The following RRM2 variants were observed in gnomAD, a reference collection of about 807,000 sequenced individuals.
The protein encoded by RRM2 is ribonucleotide reductase regulatory subunit M2.
In RRM2, 6 loss-of-function variants were observed where a neutral mutation model predicts 45.9. The ratio of observed to expected loss-of-function variants is 0.13; its 90% CI spans 0.07 to 0.26. The LOEUF (loss-of-function observed/expected upper bound fraction) is 0.26, where lower values mean the gene tolerates loss of function less well. Among genes scored for constraint, RRM2 ranks in the 10% least tolerant of loss-of-function variants. The pLI is 1.00. For synonymous variants in RRM2, 177 were observed against 173.0 expected (o/e 1.02, Z -0.18); for missense variants, 343 against 489.5 (o/e 0.70, Z 2.82).
At chr2:10,206,613 A>G (rs1275354622) in intron 3 of RRM2, among the ~76,000 whole-genome samples, 1 of 152,366 alleles carries the variant, frequency 6.6e-6, no homozygotes, top group African/African-American at 2.4e-5. Flanking sequence ...AAGACAGTGA[A>G]GGGGACATGT....
chr2:10,175,898 G>T (rs1663906056), intron 3 of RRM2, among the ~76,000 whole-genome samples: 1 of 151,970 alleles, frequency 6.6e-6, no homozygotes, highest in Non-Finnish European at 1.5e-5. Context: ...GAGCCATTGT[G>T]CCTGGCTGTG....
intron 3 of RRM2, among the ~76,000 whole-genome samples, chr2:10,168,555 C>T (rs1235126406): frequency 6.6e-6 from 1 of 152,140 alleles, no homozygotes; most frequent in African/African-American, 2.4e-5. Flanking sequence ...TCTGTTGAAT[C>T]TCAAATGTCT....
chr2:10,180,794 G>A (rs2125325416), intron 3 of RRM2, among the ~76,000 whole-genome samples: 1 of 152,220 alleles, frequency 6.6e-6, no homozygotes, highest in African/African-American at 2.4e-5. Context: ...ATGAGACGGA[G>A]TCTCACTCTG....
chr2:10,138,038 A>AC (rs1310365953), upstream of RRM2, among the ~76,000 whole-genome samples: 1 of 149,244 alleles, frequency 6.7e-6, no homozygotes, highest in Non-Finnish European at 1.5e-5. Flanking sequence ...TCTTGCTGCG[A>AC]CCCCCAGGCT....
rs552702025 is a variant in RRM2, at chr2:10,125,013, A to G, written c.569+163A>G. On this transcript the variant is annotated intron_variant, in intron 5 of 9. Transcript: ENST00000304567. ...TGTCTGCTCTTAGCAAGGGGCCTAA[A>G]TGCACTTTATTATTCACTTAGAGTT... The G allele has an allele frequency of 1.4e-5, 8 of 576,302 alleles. No individual in the cohort carries two copies. In the South Asian group the frequency reaches 1.8e-4, roughly 13 times the overall value. The allele number at this position is 576,302 out of a possible 1,614,324, so 35.7% of individuals were successfully genotyped here.
chr2:10,189,575 G>T (rs1664242018), intron 3 of RRM2, among the ~76,000 whole-genome samples: 1 of 152,222 alleles, frequency 6.6e-6, no homozygotes, highest in Non-Finnish European at 1.5e-5. Context: ...TCTTTGGTCT[G>T]GGGGAGCTCA....
intron 3 of RRM2, among the ~76,000 whole-genome samples, chr2:10,197,181 C>T (rs1006658793): frequency 6.6e-6 from 1 of 152,368 alleles, no homozygotes; most frequent in African/African-American, 2.4e-5. Flanking sequence ...ATCCCTCCTT[C>T]GAGTGGGGAC....
At chr2:10,149,297 T>A (rs896510657) in intron 3 of RRM2, among the ~76,000 whole-genome samples, 1 of 152,034 alleles carries the variant, frequency 6.6e-6, no homozygotes, top group Admixed American at 6.6e-5. Flanking sequence ...CCCGGCTAAT[T>A]TTGGTATTTT....
chr2:10,182,445 C>T (rs1002719124), intron 3 of RRM2, among the ~76,000 whole-genome samples: 5 of 152,084 alleles, frequency 3.3e-5, no homozygotes, highest in Admixed American at 2.6e-4. Flanking sequence ...TCTCACAGGT[C>T]GTTTTAAGCC....
At chr2:10,184,992 C>T (rs1031388016) in intron 3 of RRM2, among the ~76,000 whole-genome samples, 1 of 152,160 alleles carries the variant, frequency 6.6e-6, no homozygotes, top group African/African-American at 2.4e-5. Flanking sequence ...GCAGCACTAA[C>T]CCAAAGCCAA....
chr2:10,135,645 CTT>C (rs964787081), downstream of RRM2, among the ~76,000 whole-genome samples: 3 of 152,242 alleles, frequency 2.0e-5, no homozygotes, highest in East Asian at 3.9e-4. Flanking sequence ...TGTAAATAAA[CTT>C]AAGAGTTAAA....
At chr2:10,125,855 G>C (rs995277527) in intron 5 of RRM2, among the ~76,000 whole-genome samples, 1 of 152,122 alleles carries the variant, frequency 6.6e-6, no homozygotes, top group Non-Finnish European at 1.5e-5. Flanking sequence ...CATGTTTATA[G>C]GTGGAAATTG....
intron 3 of RRM2, among the ~76,000 whole-genome samples, chr2:10,159,777 C>T (rs1663518386): frequency 6.6e-6 from 1 of 152,208 alleles, no homozygotes; most frequent in Non-Finnish European, 1.5e-5. Context: ...CCAGAAGCCT[C>T]TCCAGGGAGA....
intron 3 of RRM2, among the ~76,000 whole-genome samples, chr2:10,201,627 A>C (rs1314381432): frequency 1.3e-5 from 2 of 152,254 alleles, no homozygotes; most frequent in Non-Finnish European, 2.9e-5. Context: ...ACAAGACAAC[A>C]ATTGTTCATG....
chr2:10,199,642 T>C (rs1407964128), intron 3 of RRM2, among the ~76,000 whole-genome samples: 2 of 151,460 alleles, frequency 1.3e-5, no homozygotes, highest in Non-Finnish European at 2.9e-5. Context: ...TAGCTGGGTG[T>C]GGTGGCGGGC....
At chr2:10,132,066 TGTC>T (rs1488586215), downstream of RRM2, among the ~76,000 whole-genome samples, 5 of 152,308 alleles carry the variant, frequency 3.3e-5, no homozygotes, top group African/African-American at 1.2e-4. Flanking sequence ...TTGGTCCCTG[TGTC>T]TATAAAGGCC....
chr2:10,194,804 CTCA>C (rs2125330436), intron 3 of RRM2, among the ~76,000 whole-genome samples: 1 of 152,374 alleles, frequency 6.6e-6, no homozygotes, highest in South Asian at 2.1e-4. Context: ...CCCCTGCGTC[CTCA>C]TCTGTCACTC....
chr2:10,165,522 C>G (rs1407663047), intron 3 of RRM2, among the ~76,000 whole-genome samples: 1 of 152,220 alleles, frequency 6.6e-6, no homozygotes, highest in Non-Finnish European at 1.5e-5. Context: ...GGCTGGGGAC[C>G]AACTGTTTCT....
At chr2:10,175,659 G>A (rs1006986276) in intron 3 of RRM2, among the ~76,000 whole-genome samples, 3 of 152,142 alleles carry the variant, frequency 2.0e-5, no homozygotes, top group African/African-American at 7.2e-5. Flanking sequence ...GTGCAGTGGC[G>A]CAATCTCGGC....
Sources: gnomAD v4.1 joint callset for allele counts (sites outside exome capture counted in the v4.1 genomes callset) on GRCh38, gnomAD v4.1.1 for gene constraint, MANE v1.5 for transcripts, NCBI Gene and HGNC (gene_info 2026-07-23, HGNC 2026-07-21) for gene names.